The following MAS1L variants were observed in gnomAD, a reference collection of about 807,000 sequenced individuals.
The protein encoded by MAS1L is MAS1 proto-oncogene like, G protein-coupled receptor, also known as mas-related G protein-coupled receptor MRG.
For synonymous variants in MAS1L, 160 were observed against 182.9 expected (o/e 0.87, Z 1.01); for missense variants, 441 against 460.1 (o/e 0.96, Z 0.38).
the MAS1L span, chr6:29,487,893 CCCAGA>C: frequency 2.5e-6 from 4 of 1,607,998 alleles, no homozygotes; most frequent in East Asian, 2.2e-5. Context: ...CAAATTTTCC[CCCAGA>C]CCATGGGGTG....
Position 29,486,910 on chromosome 6 carries a change from C to T in MAS1L, c.993G>A (p.Val331=). The T allele has an allele frequency of 6.2e-7, 1 of 1,614,164 alleles. No individual in the cohort carries two copies. ...RKKRLKESLR[V]ILQRALADKP... is the part of the protein sequence containing the mutation. ...TATCTGCTAACGCCCGTTGGAGAAT[C>T]ACTCTGAGAGATTCCTTCAGCCTTT... The change falls in exon 1 of 1, where the codon GTG becomes GTA. Residue 331 remains valine (V), a synonymous_variant. Transcript: ENST00000377127.
rs776150381 is a variant in MAS1L, at chr6:29,487,756, G to A, written c.147C>T (p.Gly49=). The change falls in exon 1 of 1, where the codon GGC becomes GGT. Residue 49 remains glycine, a synonymous_variant. Coordinates refer to ENST00000377127, the MANE Select transcript of MAS1L (RefSeq NM_052967.2). ...CATTCGTCTCATTTTGAAGAAAGAC[G>A]CCACAGAGCTGAGATACCAGGTTTG... is the stretch of plus-strand genomic sequence containing the variant. ...QNPNLVSQLC[G]VFLQNETNET... 8.7e-6 allele frequency: 14 copies of A among 1,614,132 alleles called. No individual in the cohort carries two copies. Among genetic ancestry groups the A allele is most frequent in the Middle Eastern group, 1.6e-4 (1 of 6,084 alleles).
rs1270452285 is a variant in MAS1L, at chr6:29,487,589, G to A, written c.314C>T (p.Thr105Met). The A allele has an allele frequency of 3.7e-6, 6 of 1,614,076 alleles. No homozygotes were observed. The highest frequency in any genetic ancestry group is 2.2e-5 in the East Asian group (1 of 44,886). The change falls in exon 1 of 1, where the codon ACG becomes ATG. Residue 105 changes from threonine (T) to methionine (M), a missense_variant. By Grantham distance (81) the Thr-to-Met change is moderately conservative (BLOSUM62 -1). Coordinates refer to ENST00000377127, the MANE Select transcript of MAS1L (RefSeq NM_052967.2). ...TVFWLLCCGA[T>M]NPYMVYILHL... is the part of the protein sequence containing the mutation. ...GAGGATGTATACCATGTAGGGATTCGTGGCCCCACAGCAAAGCAGCCAGAA... is the reference window on the plus strand; with the variant it reads ...GAGGATGTATACCATGTAGGGATTCATGGCCCCACAGCAAAGCAGCCAGAA...
chr6:29,487,087 C>T lies in MAS1L; in HGVS notation c.816G>A (p.Met272Ile), dbSNP rs1305600040. Residue 272 changes from methionine (M) to isoleucine (I), a missense_variant, in exon 1 of 1, where the codon ATG becomes ATA. Physicochemically the swap from Met to Ile is conservative, Grantham distance 10. Transcript: ENST00000377127. ...VYAVVQISAP[M>I]FLLWALPLSV... ...TCAGGGGTAGGGCCCAGAGTAGGAA[C>T]ATGGGGGCCGAGATCTGCACCACCG... 2 of 1,581,334 alleles carry T rather than the reference C, an allele frequency of 1.3e-6. No homozygotes were observed. Among genetic ancestry groups the T allele is most frequent in the Admixed American group, 1.7e-5 (1 of 57,572 alleles).
At chr6:29,487,418 CAG>C in the MAS1L span, 1 of 1,613,852 alleles carries the variant, frequency 6.2e-7, no homozygotes, top group Non-Finnish European at 8.5e-7. Context: ...CACCAGGAGA[CAG>C]AGACACACCT....
Position 29,487,759 on chromosome 6 carries a change from A to G in MAS1L, c.144T>C (p.Cys48=), listed in dbSNP as rs1239770350. The G allele has an allele frequency of 3.1e-6, 5 of 1,614,242 alleles. No individual in the cohort carries two copies. Among genetic ancestry groups the G allele is most frequent in the Non-Finnish European group, 4.2e-6 (5 of 1,180,028 alleles). ...AQNPNLVSQL[C]GVFLQNETNE... ...TCGTCTCATTTTGAAGAAAGACGCC[A>G]CAGAGCTGAGATACCAGGTTTGGGT... The change falls in exon 1 of 1, where the codon TGT becomes TGC. Residue 48 remains cysteine (C), a synonymous_variant. Coordinates refer to ENST00000377127, the MANE Select transcript of MAS1L (RefSeq NM_052967.2).
chr6:29,487,949 T>A lies in MAS1L; in HGVS notation c.-47A>T, dbSNP rs1561902197. ...GCCACAACATCACAGTCAGGAGCAG[T>A]GGTCCATCTAGTGGTGTCCTCTGGC... On this transcript the variant is annotated 5_prime_UTR_variant, in exon 1 of 1. Transcript: ENST00000377127. 1 of 1,557,126 alleles carries A rather than the reference T, an allele frequency of 6.4e-7. No individual in the cohort carries two copies. The highest frequency in any genetic ancestry group is 1.2e-5 in the South Asian group (1 of 83,490).
At position 29,487,854 on chromosome 6, in the gene MAS1L, C is replaced by T. The variant is rs373805396; in HGVS notation, c.49G>A (p.Val17Met). 2 of 1,613,458 alleles carry T rather than the reference C, an allele frequency of 1.2e-6. No homozygotes were observed. The highest frequency in any genetic ancestry group is 1.3e-5 in the African/African-American group (1 of 74,922). ...CWFSQRAGWTVFAESQISLSC... is the reference protein window; with the variant it reads ...CWFSQRAGWTMFAESQISLSC... The stretch of plus-strand genomic sequence containing the variant: ...AGAGATATCTGTGACTCAGCAAACA[C>T]TGTCCATCCAGCCCTCTGGCTGAAC... Residue 17 changes from valine (V) to methionine (M), a missense_variant, in exon 1 of 1, where the codon GTG becomes ATG. Physicochemically the swap from Val to Met is conservative, Grantham distance 21 (BLOSUM62 1). Coordinates refer to ENST00000377127, the MANE Select transcript of MAS1L (RefSeq NM_052967.2).
At position 29,487,923 on chromosome 6, in the gene MAS1L, G is replaced by A. The variant is rs201425275; in HGVS notation, c.-21C>T. ...ACCATGGGGTGCTGGGACCTGAGTG[G>A]GCCACAACATCACAGTCAGGAGCAG... On this transcript the variant is annotated 5_prime_UTR_variant, in exon 1 of 1. Coordinates refer to ENST00000377127, the MANE Select transcript of MAS1L (RefSeq NM_052967.2). The A allele has an allele frequency of 2.5e-6, 4 of 1,588,818 alleles. No individual in the cohort carries two copies. The highest frequency in any genetic ancestry group is 2.6e-6 in the Non-Finnish European group (3 of 1,169,942).
At position 29,487,534 on chromosome 6, in the gene MAS1L, AAGATAG is replaced by A; in HGVS notation, c.363_368del (p.Tyr122_Leu123del). ...GTAAGAACCCCACTGCCGAGCAGCA[AAGATAG>A]ATCACGTCAGCAGCGACCAGGTGGA... On this transcript the variant is annotated inframe_deletion, in exon 1 of 1. Transcript: ENST00000377127. 6.2e-7 allele frequency: 1 copy of A among 1,614,216 alleles called. No homozygotes were observed. The highest frequency in any genetic ancestry group is 8.5e-7 in the Non-Finnish European group (1 of 1,180,044).
rs373158233 is a variant in MAS1L, at chr6:29,486,839, A to G, written c.1064T>C (p.Met355Thr). The G allele has an allele frequency of 9.9e-6, 16 of 1,614,000 alleles. No individual in the cohort carries two copies. In the African/African-American group the frequency reaches 2.0e-4, roughly 20 times the overall value. The change falls in exon 1 of 1, where the codon ATG (methionine) becomes ACG (threonine). Residue 355 changes from methionine (M) to threonine (T), a missense_variant. Met to Thr is a moderately conservative substitution (Grantham distance 81, BLOSUM62 -1). Transcript: ENST00000377127. ...RNKKAAGIDPMEQPHSTQHVE... is the reference protein window; with the variant it reads ...RNKKAAGIDPTEQPHSTQHVE... Reference sequence around the variant, plus strand: ...ATGCTGAGTAGAGTGTGGTTGCTCCATTGGGTCGATGCCAGCTGCCTTTTT... The same window carrying G: ...ATGCTGAGTAGAGTGTGGTTGCTCCGTTGGGTCGATGCCAGCTGCCTTTTT...
rs145224180 is a variant in MAS1L at position 29,487,151 on chromosome 6, A to G, written c.752T>C (p.Leu251Pro). The G allele has an allele frequency of 1.8e-3, 2,917 of 1,614,170 alleles. 3 individuals are homozygous for G. The highest frequency in any genetic ancestry group is 2.2e-3 in the Non-Finnish European group (2,609 of 1,180,024). The change falls in exon 1 of 1, where the codon CTG becomes CCG. Residue 251 changes from leucine (L) to proline (P), a missense_variant. Physicochemically the swap from Leu to Pro is moderately conservative, Grantham distance 98. Coordinates refer to ENST00000377127, the MANE Select transcript of MAS1L (RefSeq NM_052967.2). ...VSSLTLLIRF[L>P]CCSQQQKATR... ...GGCCTTTTGCTGCTGGGAGCAGCACAGGAATCTAATGAGTAGAGTCAGACT... is the reference window on the plus strand; with the variant it reads ...GGCCTTTTGCTGCTGGGAGCAGCACGGGAATCTAATGAGTAGAGTCAGACT...
rs565229547 is a variant in MAS1L at position 29,487,546 on chromosome 6, G to A, written c.357C>T (p.Asp119=). 9.9e-6 allele frequency: 16 copies of A among 1,614,134 alleles called. No homozygotes were observed. Among genetic ancestry groups the A allele is most frequent in the African/African-American group, 6.7e-5 (5 of 75,058 alleles). ...MVYILHLVAA[D]VIYLCCSAVG... ...CTGCCGAGCAGCAAAGATAGATCAC[G>A]TCAGCAGCGACCAGGTGGAGGATGT... Residue 119 remains aspartate, a synonymous_variant, in exon 1 of 1, where the codon GAC becomes GAT. Transcript: ENST00000377127.
rs750548680 is a variant in MAS1L, at chr6:29,487,819, G to C, written c.84C>G (p.Ser28Arg). The C allele has an allele frequency of 9.3e-6, 15 of 1,614,174 alleles. No individual in the cohort carries two copies. In the African/African-American group the frequency reaches 1.6e-4, roughly 17 times the overall value. ...FAESQISLSC[S>R]LCLHSGDQEA... ...CCTGGTCACCACTGTGGAGACAAAGGCTACATGAGAGAGATATCTGTGACT... is the reference window on the plus strand; with the variant it reads ...CCTGGTCACCACTGTGGAGACAAAGCCTACATGAGAGAGATATCTGTGACT... The change falls in exon 1 of 1, where the codon AGC becomes AGG. Residue 28 changes from serine to arginine, a missense_variant. Transcript: ENST00000377127.
At position 29,487,855 on chromosome 6, in the gene MAS1L, T is replaced by A; in HGVS notation, c.48A>T (p.Thr16=). 1 of 1,613,496 alleles carries A rather than the reference T, an allele frequency of 6.2e-7. No homozygotes were observed. The highest frequency in any genetic ancestry group is 8.5e-7 in the Non-Finnish European group (1 of 1,179,986). The change falls in exon 1 of 1, where the codon ACA becomes ACT. Residue 16 remains threonine (T), a synonymous_variant. Coordinates refer to ENST00000377127, the MANE Select transcript of MAS1L (RefSeq NM_052967.2). ...ICWFSQRAGW[T]VFAESQISLS... ...GAGATATCTGTGACTCAGCAAACACTGTCCATCCAGCCCTCTGGCTGAACC... is the reference window on the plus strand; with the variant it reads ...GAGATATCTGTGACTCAGCAAACACAGTCCATCCAGCCCTCTGGCTGAACC...
chr6:29,487,722 G>A lies in MAS1L; in HGVS notation c.181C>T (p.His61Tyr). 3.7e-6 allele frequency: 6 copies of A among 1,614,260 alleles called. No individual in the cohort carries two copies. Among genetic ancestry groups the A allele is most frequent in the Non-Finnish European group, 5.1e-6 (6 of 1,180,050 alleles). Residue 61 changes from histidine (H) to tyrosine (Y), a missense_variant, in exon 1 of 1, where the codon CAT (histidine) becomes TAT (tyrosine). By Grantham distance (83) the His-to-Tyr change is moderately conservative. Coordinates refer to ENST00000377127, the MANE Select transcript of MAS1L (RefSeq NM_052967.2). The part of the protein sequence containing the change: ...FLQNETNETI[H>Y]MQMSMAVGQQ... The stretch of plus-strand genomic sequence containing the variant: ...CCCACTGCCATGCTCATCTGCATAT[G>A]TATGGTTTCATTCGTCTCATTTTGA...
chr6:29,487,025 A>G lies in MAS1L; in HGVS notation c.878T>C (p.Val293Ala). Residue 293 changes from valine (V) to alanine (A), a missense_variant, in exon 1 of 1, where the codon GTC becomes GCC. Val to Ala is a moderately conservative substitution (Grantham distance 64, BLOSUM62 0). Transcript: ENST00000377127. Reference sequence around the variant, plus strand: ...CAAGGAAATTAAATAGGAGGTGGTGACAAACATTTTGAAATCTGTTATGAG... The same window carrying G: ...CAAGGAAATTAAATAGGAGGTGGTGGCAAACATTTTGAAATCTGTTATGAG... Reference protein sequence around the residue: ...APLITDFKMFVTTSYLISLFL... With the variant: ...APLITDFKMFATTSYLISLFL... 6.2e-7 allele frequency: 1 copy of G among 1,614,146 alleles called. No homozygotes were observed. Among genetic ancestry groups the G allele is most frequent in the Non-Finnish European group, 8.5e-7 (1 of 1,180,032 alleles).
chr6:29,487,839 G>A, the MAS1L span: 1 of 1,613,954 alleles, frequency 6.2e-7, no homozygotes, highest in Non-Finnish European at 8.5e-7. Context: ...AGAGATATCT[G>A]TGACTCAGCA....
Position 29,486,866 on chromosome 6 carries a change from T to C in MAS1L, c.1037A>G (p.Asn346Ser). The C allele has an allele frequency of 6.2e-7, 1 of 1,614,148 alleles. No homozygotes were observed. The highest frequency in any genetic ancestry group is 8.5e-7 in the Non-Finnish European group (1 of 1,180,004). Residue 346 changes from asparagine to serine, a missense_variant, in exon 1 of 1, where the codon AAC becomes AGC. Transcript: ENST00000377127. ...ALADKPEVGRNKKAAGIDPME... is the reference protein window; with the variant it reads ...ALADKPEVGRSKKAAGIDPME... ...TGGGTCGATGCCAGCTGCCTTTTTG[T>C]TCCTCCCCACCTCTGGCTTATCTGC...
Sources: allele counts gnomAD v4.1 joint callset, GRCh38; gene constraint gnomAD v4.1.1; transcripts MANE v1.5; gene names NCBI Gene and HGNC (gene_info 2026-07-23, HGNC 2026-07-21).